The following MACROD1 variants were observed in gnomAD, a reference collection of about 807,000 sequenced individuals.
The protein encoded by MACROD1 is ADP-ribose glycohydrolase MACROD1.
In MACROD1, 31 loss-of-function variants were observed where a neutral mutation model predicts 41.4. The ratio of observed to expected loss-of-function variants is 0.75; its 90% CI spans 0.56 to 1.01. MACROD1 has a LOEUF of 1.01. Among genes scored for constraint, MACROD1 ranks in the 50% least tolerant of loss-of-function variants. MACROD1 has a pLI of 0.00. For synonymous variants in MACROD1, 252 were observed against 203.4 expected (o/e 1.24, Z -2.03); for missense variants, 473 against 460.0 (o/e 1.03, Z -0.26).
chr11:64,075,351 C>T (rs986034185), intron 3 of MACROD1, among the ~76,000 whole-genome samples: 2 of 152,264 alleles, frequency 1.3e-5, no homozygotes, highest in African/African-American at 4.8e-5. Flanking sequence ...TGGGTCTAAA[C>T]CGTTCCCTGG....
rs909843433 is a variant in MACROD1 at position 64,090,417 on chromosome 11, C to T, written c.517+60822G>A. On this transcript the variant is annotated intron_variant, in intron 3 of 10. Coordinates refer to ENST00000255681, the MANE Select transcript of MACROD1 (RefSeq NM_014067.4). This position sits in a 1 kb window ranked among gnomAD's most constrained non-coding sequence, Gnocchi z 4.7. ...AGCCTGGTGCTTTATTTCCTCAACT[C>T]ACCTCCAGCCCGGGCAGCAGTGGGT... is the stretch of plus-strand genomic sequence containing the variant. Among the ~76,000 whole-genome samples, 2 of 152,212 alleles carry T rather than the reference C, an allele frequency of 1.3e-5. No individual in the cohort carries two copies. The highest frequency in any genetic ancestry group is 2.9e-5 in the Non-Finnish European group (2 of 68,036).
At chr11:64,099,038 G>A (rs991148395) in intron 3 of MACROD1, among the ~76,000 whole-genome samples, 2 of 152,200 alleles carry the variant, frequency 1.3e-5, no homozygotes, top group Non-Finnish European at 2.9e-5. Flanking sequence ...TTTCTACTTC[G>A]GGAGGAAGCC....
chr11:64,013,968 C>G (rs1277060333), intron 4 of MACROD1, among the ~76,000 whole-genome samples: 1 of 152,146 alleles, frequency 6.6e-6, no homozygotes, highest in Non-Finnish European at 1.5e-5. Context: ...TCATCAAGCT[C>G]CTATGGTGCC....
At chr11:64,138,150 C>T (rs1945357014) in intron 3 of MACROD1, among the ~76,000 whole-genome samples, 1 of 152,202 alleles carries the variant, frequency 6.6e-6, no homozygotes, top group African/African-American at 2.4e-5. Flanking sequence ...TAGCAAGTGG[C>T]CACAGCAGGA....
intron 2 of MACROD1, among the ~76,000 whole-genome samples, 191 bp from the exon 3 acceptor site, chr11:64,151,546 G>A (rs1318568918): frequency 2.0e-5 from 3 of 152,276 alleles, no homozygotes; most frequent in South Asian, 2.1e-4. Flanking sequence ...AAAATCACGC[G>A]GGGACTCCTT....
At chr11:64,059,230 C>T (rs1943850057) in intron 3 of MACROD1, among the ~76,000 whole-genome samples, 1 of 152,206 alleles carries the variant, frequency 6.6e-6, no homozygotes, top group African/African-American at 2.4e-5. Flanking sequence ...CTCCAGATTC[C>T]TCTTGCCGAG....
At chr11:64,124,969 C>T (rs1945155973) in intron 3 of MACROD1, among the ~76,000 whole-genome samples, 1 of 152,234 alleles carries the variant, frequency 6.6e-6, no homozygotes, top group East Asian at 1.9e-4. Flanking sequence ...CATGAGCCAC[C>T]GTGCCCGGCC....
intron 1 of MACROD1, among the ~76,000 whole-genome samples, chr11:64,154,956 C>T (rs534923493): frequency 6.6e-6 from 1 of 152,330 alleles, no homozygotes; most frequent in South Asian, 2.1e-4. Context: ...TGACCTCAAG[C>T]AATCCACCCA....
chr11:64,141,834 T>G (rs1945418496), intron 3 of MACROD1, among the ~76,000 whole-genome samples: 1 of 152,160 alleles, frequency 6.6e-6, no homozygotes, highest in South Asian at 2.1e-4. Flanking sequence ...AGCTGGGGTT[T>G]TCTAACTACG....
At chr11:64,007,125 T>C (rs509701) in intron 4 of MACROD1, among the ~76,000 whole-genome samples, 42,698 of 152,124 alleles carry the variant, frequency 0.28, 7,688 homozygotes, top group Non-Finnish European at 0.4. Flanking sequence ...CCCTCTCAGA[T>C]GAATTCACTG....
chr11:64,152,454 C>T (rs1565262191), intron 1 of MACROD1, 61 bp from the exon 2 acceptor site: 1 of 1,279,684 alleles, frequency 7.8e-7, no homozygotes, highest in Non-Finnish European at 1.1e-6. Flanking sequence ...GGCTTGCACC[C>T]CCACATCTCC....
chr11:64,058,822 G>A (rs1943842440), intron 3 of MACROD1, among the ~76,000 whole-genome samples: 3 of 152,178 alleles, frequency 2.0e-5, no homozygotes, highest in Non-Finnish European at 2.9e-5. Context: ...GTGGGAGGGC[G>A]TGAAGAGGGC....
intron 1 of MACROD1, among the ~76,000 whole-genome samples, chr11:64,158,107 T>C (rs1366396574): frequency 1.3e-5 from 2 of 152,194 alleles, no homozygotes; most frequent in Non-Finnish European, 2.9e-5. Flanking sequence ...TCAAATCAGA[T>C]AAGCCATCCA....
intron 3 of MACROD1, among the ~76,000 whole-genome samples, chr11:64,069,045 G>C (rs1565218151): frequency 6.6e-6 from 1 of 152,182 alleles, no homozygotes; most frequent in Non-Finnish European, 1.5e-5. Context: ...TCCTCCGGGG[G>C]CAGTGGCAGG....
chr11:63,999,382 G>A lies in MACROD1; in HGVS notation c.840C>T (p.Ala280=). 3.1e-6 allele frequency: 5 copies of A among 1,591,908 alleles called. No homozygotes were observed. Among genetic ancestry groups the A allele is most frequent in the Non-Finnish European group, 4.3e-6 (5 of 1,173,622 alleles). Residue 280 remains alanine, a synonymous_variant, in exon 8 of 11, where the codon GCC becomes GCT. Transcript: ENST00000255681. The part of the protein sequence containing the change: ...GVFGYPCEAA[A]EIVLATLREW... Reference sequence around the variant, plus strand: ...CTCGCAGCGTGGCCAGCACGATCTCGGCGGCCGCCTCACAGGGGTAGCCTG... The same window carrying A: ...CTCGCAGCGTGGCCAGCACGATCTCAGCGGCCGCCTCACAGGGGTAGCCTG...
chr11:64,117,209 C>T lies in MACROD1; in HGVS notation c.517+34030G>A, dbSNP rs757240486. On this transcript the variant is annotated intron_variant, in intron 3 of 10. Transcript: ENST00000255681. Reference sequence around the variant, plus strand: ...TGACCACGCTGCCCCGCGGCCTGTTCGACGACCTGGGGAACCTGGCCCAGC... The same window carrying T: ...TGACCACGCTGCCCCGCGGCCTGTTTGACGACCTGGGGAACCTGGCCCAGC... 38 of 1,614,036 alleles carry T rather than the reference C, an allele frequency of 2.4e-5. No individual in the cohort carries two copies. The South Asian group carries it at 2.6e-4, about 11-fold the overall frequency.
intron 3 of MACROD1, among the ~76,000 whole-genome samples, chr11:64,106,716 C>T (rs889381037): frequency 2.6e-5 from 4 of 152,148 alleles, no homozygotes; most frequent in Admixed American, 1.3e-4. Flanking sequence ...ATCCTAAAGG[C>T]GGCTGAGGAG....
At chr11:64,049,467 C>A (rs1273019540) in intron 3 of MACROD1, among the ~76,000 whole-genome samples, 2 of 152,210 alleles carry the variant, frequency 1.3e-5, no homozygotes, top group Middle Eastern at 6.3e-3. Context: ...TTCATCCTCA[C>A]AACCTTATGG....
chr11:64,040,198 C>T lies in MACROD1; in HGVS notation c.518-24917G>A, dbSNP rs578232058. 6.6e-5 allele frequency among the ~76,000 whole-genome samples: 10 copies of T among 151,690 alleles called. No homozygotes were observed. In the East Asian group the frequency reaches 9.7e-4, roughly 15 times the overall value. ...ACATTAGTCAGATCTACCTCTTCCCCGTGAAGCCTTGGCTCTGAAGGCGCA... is the reference window on the plus strand; with the variant it reads ...ACATTAGTCAGATCTACCTCTTCCCTGTGAAGCCTTGGCTCTGAAGGCGCA... On this transcript the variant is annotated intron_variant, in intron 3 of 10. Coordinates refer to ENST00000255681, the MANE Select transcript of MACROD1 (RefSeq NM_014067.4).
Sources: allele counts gnomAD v4.1 joint callset (sites outside exome capture counted in the v4.1 genomes callset), GRCh38; gene constraint gnomAD v4.1.1; non-coding constraint Gnocchi (gnomAD v3.1); transcripts MANE v1.5; gene names NCBI Gene and HGNC (gene_info 2026-07-23, HGNC 2026-07-21).